Variants in ERLEC1 observed in about 807,000 individuals in gnomAD.
The protein encoded by ERLEC1 is endoplasmic reticulum lectin 1, also known as ER lectin.
In ERLEC1, 47 loss-of-function variants were observed where a neutral mutation model predicts 68.0. The ratio of observed to expected loss-of-function variants is 0.69; its 90% confidence interval spans 0.55 to 0.88. ERLEC1 has a LOEUF of 0.88. Among genes scored for constraint, ERLEC1 ranks in the 40% least tolerant of loss-of-function variants. The pLI is 0.00. For missense variants in ERLEC1, 567 were observed against 583.8 expected, an observed-to-expected ratio of 0.97 and a Z score of 0.30; for synonymous variants, 225 against 203.2, an observed-to-expected ratio of 1.11 and a Z score of -0.91.
intron 1 of ERLEC1, among the ~76,000 whole-genome samples, chr2:53,789,346 A>G (rs1469925001): frequency 6.9e-6 from 1 of 144,884 alleles, no homozygotes; most frequent in Non-Finnish European, 1.5e-5. Context: ...CTGAGCCAAG[A>G]TTGCACCACT....
intron 13 of ERLEC1, among the ~76,000 whole-genome samples, chr2:53,816,265 GTTTTTTT>G (rs57918616): frequency 8.2e-6 from 1 of 121,832 alleles, no homozygotes; most frequent in African/African-American, 3.1e-5. Flanking sequence ...GTTTTGGTTG[GTTTTTTT>G]TTTTTTTTTT....
At chr2:53,787,833 C>G (rs1358715091) in intron 1 of ERLEC1, among the ~76,000 whole-genome samples, 1 of 152,248 alleles carries the variant, frequency 6.6e-6, no homozygotes, top group Non-Finnish European at 1.5e-5. Context: ...GTTGTATACA[C>G]ACACGGACAT....
chr2:53,806,238 T>C (rs969693497), intron 8 of ERLEC1, among the ~76,000 whole-genome samples: 1 of 152,250 alleles, frequency 6.6e-6, no homozygotes, highest in Non-Finnish European at 1.5e-5. Context: ...TACTCTACTA[T>C]ATAAACTACC....
intron 3 of ERLEC1, 33 bp downstream of exon 3, chr2:53,796,046 A>C: frequency 1.4e-6 from 2 of 1,383,580 alleles, no homozygotes. Flanking sequence ...ATGACTAGAA[A>C]ATAGATTACC....
At chr2:53,798,458 G>A (rs1002588215) in intron 5 of ERLEC1, among the ~76,000 whole-genome samples, 4 of 151,626 alleles carry the variant, frequency 2.6e-5, no homozygotes, top group African/African-American at 9.7e-5. Context: ...ATGGAATTTC[G>A]CCATGTTGCC....
rs1394231508 is a variant in ERLEC1, at chr2:53,818,011, A to G, written c.*42A>G. 2 of 1,244,490 alleles carry G rather than the reference A, an allele frequency of 1.6e-6. No individual in the cohort carries two copies. Among genetic ancestry groups the G allele is most frequent in the South Asian group, 1.2e-5 (1 of 83,504 alleles). 77.1% of individuals were successfully genotyped at this position (1,244,490 alleles called of 1,614,324 possible). On this transcript the variant is annotated 3_prime_UTR_variant, in exon 14 of 14. Coordinates refer to ENST00000185150, the MANE Select transcript of ERLEC1 (RefSeq NM_015701.5). Reference sequence around the variant, plus strand: ...GGGAAAGAAAAGATCATTGAAAGTCATGATAATTTCTGTCCCACTGTGTCT... The same window carrying G: ...GGGAAAGAAAAGATCATTGAAAGTCGTGATAATTTCTGTCCCACTGTGTCT...
chr2:53,791,884 C>T (rs1378346740), intron 1 of ERLEC1, among the ~76,000 whole-genome samples: 1 of 148,322 alleles, frequency 6.7e-6, no homozygotes, highest in Non-Finnish European at 1.5e-5. Context: ...CTTTGATTCC[C>T]TCATCATCTA....
At chr2:53,816,711 A>T (rs535233542) in intron 13 of ERLEC1, among the ~76,000 whole-genome samples, 1 of 152,110 alleles carries the variant, frequency 6.6e-6, no homozygotes, top group Non-Finnish European at 1.5e-5. Context: ...ATATTCTCCT[A>T]TATTTCCTTC....
chr2:53,799,597 C>T (rs917679898), intron 6 of ERLEC1, among the ~76,000 whole-genome samples: 2 of 152,032 alleles, frequency 1.3e-5, no homozygotes, highest in Non-Finnish European at 2.9e-5. Context: ...AACATAGGGA[C>T]GTTTAAAAAG....
chr2:53,794,288 T>C (rs900091209), intron 1 of ERLEC1, 57 bp from the exon 2 acceptor site: 2 of 707,472 alleles, frequency 2.8e-6, no homozygotes, highest in East Asian at 2.9e-5. Flanking sequence ...ACTAAAGTTA[T>C]TCAGTGTGAT....
chr2:53,790,144 A>G (rs923345343), intron 1 of ERLEC1, among the ~76,000 whole-genome samples: 12 of 151,496 alleles, frequency 7.9e-5, no homozygotes, highest in African/African-American at 2.4e-4. Flanking sequence ...CCCAGGCTAG[A>G]GTACAATGGC....
At chr2:53,792,202 C>T (rs1675445457) in intron 1 of ERLEC1, among the ~76,000 whole-genome samples, 1 of 150,606 alleles carries the variant, frequency 6.6e-6, no homozygotes, top group African/African-American at 2.4e-5. Flanking sequence ...CCGGCGTGAG[C>T]CACCGCGCCA....
At chr2:53,796,769 C>G (rs893286411) in intron 3 of ERLEC1, among the ~76,000 whole-genome samples, 5 of 152,068 alleles carry the variant, frequency 3.3e-5, no homozygotes, top group African/African-American at 4.8e-5. Flanking sequence ...TTAATAATAT[C>G]TTATTCATTT....
chr2:53,797,563 C>T lies in ERLEC1; in HGVS notation c.397C>T (p.Gln133Ter). 6.2e-7 allele frequency: 1 copy of T among 1,612,796 alleles called. No individual in the cohort carries two copies. Among genetic ancestry groups the T allele is most frequent in the Non-Finnish European group, 8.5e-7 (1 of 1,179,614 alleles). Residue 133 changes from glutamine to a stop codon, truncating the protein, a stop_gained, in exon 4 of 14, where the codon CAG becomes TAG. Transcript: ENST00000185150. LOFTEE classifies it high-confidence loss of function. ...AGTATGTCATGGAAAACACATTCGG[C>T]AGTACCATGAAGAGAAAGAAACTGG... is the stretch of plus-strand genomic sequence containing the variant. Reference protein sequence around the residue: ...YEVCHGKHIRQYHEEKETGQK... With the variant: ...YEVCHGKHIR
chr2:53,798,481 A>C (rs990974089), intron 5 of ERLEC1, among the ~76,000 whole-genome samples: 6 of 151,924 alleles, frequency 3.9e-5, no homozygotes, highest in African/African-American at 1.4e-4. Flanking sequence ...GGCTGGTCTC[A>C]AACTCCTGGC....
At chr2:53,801,070 T>G (rs1333370248) in intron 6 of ERLEC1, among the ~76,000 whole-genome samples, 1 of 152,144 alleles carries the variant, frequency 6.6e-6, no homozygotes, top group Non-Finnish European at 1.5e-5. Flanking sequence ...TTTATCTTAG[T>G]CTCTTTCTTT....
chr2:53,804,080 A>C (rs1305719986), intron 8 of ERLEC1, among the ~76,000 whole-genome samples: 1 of 152,158 alleles, frequency 6.6e-6, no homozygotes, highest in East Asian at 1.9e-4. Context: ...GCAGTTAGCC[A>C]AGATTGCACC....
rs779244954 is a variant in ERLEC1, at chr2:53,801,380, T to C, written c.526-17T>C. ...CATGTCTAATGAAAAGTCTGTCTTA[T>C]ACTCTTTTTTTTTAAGATTCCCACT... On this transcript the variant is annotated splice_polypyrimidine_tract_variant and intron_variant, in intron 6 of 13. Coordinates refer to ENST00000185150, the MANE Select transcript of ERLEC1 (RefSeq NM_015701.5). The C allele has an allele frequency of 3.2e-5, 52 of 1,600,866 alleles. No homozygotes were observed. The highest frequency in any genetic ancestry group is 6.7e-5 in the African/African-American group (5 of 74,630).
chr2:53,793,096 A>G (rs1675498707), intron 1 of ERLEC1, among the ~76,000 whole-genome samples: 1 of 152,208 alleles, frequency 6.6e-6, no homozygotes, highest in African/African-American at 2.4e-5. Flanking sequence ...GCCAAATAGT[A>G]CCATAGTTGC....
Sources: gnomAD v4.1 joint callset for allele counts (sites outside exome capture counted in the v4.1 genomes callset) on GRCh38, gnomAD v4.1.1 for gene constraint, MANE v1.5 for transcripts, NCBI Gene and HGNC (gene_info 2026-07-23, HGNC 2026-07-21) for gene names.